Variants in NPTN observed in about 807,000 individuals in gnomAD.
NPTN encodes neuroplastin, also known as SDR-1.
Under a neutral mutation model 42.7 loss-of-function variants are expected in NPTN, and 5 were observed. The ratio of observed to expected loss-of-function variants is 0.12; its 90% CI spans 0.06 to 0.25. The LOEUF is 0.25. Ranked by LOEUF, NPTN falls within the 10% of genes least tolerant of loss-of-function variation. The probability of loss-of-function intolerance (pLI) is 1.00; values close to 1 mark genes in which losing one functional copy is unlikely to be tolerated. For missense variants in NPTN, 307 were observed against 525.4 expected (o/e 0.58, Z 4.06); for synonymous variants, 180 against 201.9 (o/e 0.89, Z 0.92).
rs1006661004 is a variant in NPTN, at chr15:73,569,860, C to T, written c.1114+290G>A. ...AAGAGACTGACAGCTGCCCATTCAC[C>T]ACATGGGGCCTGAAAGGCAGATGGG... On this transcript the variant is annotated intron_variant, in intron 6 of 8. Transcript: ENST00000345330. This position sits in a 1 kb window ranked among gnomAD's most constrained non-coding sequence, Gnocchi z 4.1. The T allele has an allele frequency of 3.1e-6, 3 of 966,010 alleles. No homozygotes were observed. Among genetic ancestry groups the T allele is most frequent in the Non-Finnish European group, 2.5e-6 (2 of 812,302 alleles). 59.8% of individuals were successfully genotyped at this position (966,010 alleles called of 1,614,324 possible).
intron 4 of NPTN, among the ~76,000 whole-genome samples, chr15:73,576,596 T>G (rs990880553): frequency 5.3e-5 from 8 of 152,210 alleles, no homozygotes. Context: ...CCCAAAGTGC[T>G]GGGTTTACAG....
intron 1 of NPTN, among the ~76,000 whole-genome samples, chr15:73,604,729 C>G (rs1221419790): frequency 6.6e-6 from 1 of 152,168 alleles, no homozygotes; most frequent in African/African-American, 2.4e-5. Flanking sequence ...AAGGTCATGG[C>G]AAGATTCACA....
Position 73,570,255 on chromosome 15 carries a change from G to A in NPTN, c.1009C>T (p.Leu337=), listed in dbSNP as rs1419871290. ...VVTVLRVRSH[L]APLWPFLGIL... is the part of the protein sequence containing the mutation. ...CCCAAGAAAGGCCAGAGTGGGGCCA[G>A]GTGGCTCCGCACCCTGAGGACAGTG... Residue 337 remains leucine (L), a synonymous_variant, in exon 6 of 9, where the codon CTG becomes TTG. Transcript: ENST00000345330. The surrounding 1 kb of genome is among the most constrained non-coding windows in gnomAD (Gnocchi z 4.0). 6 of 1,614,100 alleles carry A rather than the reference G, an allele frequency of 3.7e-6. No homozygotes were observed. The highest frequency in any genetic ancestry group is 5.1e-6 in the Non-Finnish European group (6 of 1,180,048).
intron 1 of NPTN, among the ~76,000 whole-genome samples, chr15:73,624,887 G>C (rs2141476348): frequency 6.6e-6 from 1 of 152,276 alleles, no homozygotes; most frequent in East Asian, 1.9e-4. Context: ...GTTATGTCTT[G>C]ATTATATTCA....
At chr15:73,587,655 G>C (rs1459155196) in intron 3 of NPTN, 37 bp from the exon 4 acceptor site, 15 of 1,425,304 alleles carry the variant, frequency 1.1e-5, no homozygotes, top group African/African-American at 1.4e-5. Flanking sequence ...TGAGGAAACT[G>C]GGAACGGTCA....
In NPTN at chr15:73,611,834, G is replaced by C. The variant is rs193289640; in HGVS notation, c.92-14465C>G. Among the ~76,000 whole-genome samples the C allele has an allele frequency of 7.2e-5, 11 of 152,230 alleles. No individual in the cohort carries two copies. In the East Asian group the frequency reaches 1.9e-3, roughly 27 times the overall value. ...TGGTGGGAATGTGATAGTGGGGGCTGTATGTGTGTGGGGACAGGGGGTACA... is the reference window on the plus strand; with the variant it reads ...TGGTGGGAATGTGATAGTGGGGGCTCTATGTGTGTGGGGACAGGGGGTACA... On this transcript the variant is annotated intron_variant, in intron 1 of 8. Transcript: ENST00000345330.
intron 1 of NPTN, among the ~76,000 whole-genome samples, chr15:73,612,110 T>C (rs1437133584): frequency 6.6e-6 from 1 of 152,160 alleles, no homozygotes; most frequent in African/African-American, 2.4e-5. Context: ...ATCTTGTGTT[T>C]CTGATGCAAG....
At chr15:73,625,732 AG>A (rs1165217691) in intron 1 of NPTN, among the ~76,000 whole-genome samples, 20 of 152,344 alleles carry the variant, frequency 1.3e-4, no homozygotes, top group African/African-American at 4.8e-4. Context: ...TTCAGGTCCT[AG>A]AAAATTCTAG....
chr15:73,567,117 T>C (rs1895069051), intron 6 of NPTN: 1 of 982,398 alleles, frequency 1.0e-6, no homozygotes, highest in Non-Finnish European at 1.2e-6. Context: ...CTAAACTATG[T>C]AAGTTCAAAT....
intron 1 of NPTN, among the ~76,000 whole-genome samples, chr15:73,603,796 T>C (rs1566979683): frequency 6.6e-6 from 1 of 152,246 alleles, no homozygotes; most frequent in Non-Finnish European, 1.5e-5. Flanking sequence ...GATGTAGTTA[T>C]GGAATCTGAG....
intron 4 of NPTN, among the ~76,000 whole-genome samples, chr15:73,583,861 G>A (rs528888960): frequency 5.9e-5 from 9 of 152,268 alleles, no homozygotes; most frequent in African/African-American, 1.7e-4. Flanking sequence ...AATGTGGTCT[G>A]GGTATCACTG....
At chr15:73,599,098 A>G (rs1034211190) in intron 1 of NPTN, among the ~76,000 whole-genome samples, 1 of 152,198 alleles carries the variant, frequency 6.6e-6, no homozygotes, top group Non-Finnish European at 1.5e-5. Context: ...CAGATCCAGC[A>G]TGCATTCCTT....
intron 2 of NPTN, among the ~76,000 whole-genome samples, chr15:73,593,369 C>T (rs1238209301): frequency 1.3e-5 from 2 of 152,168 alleles, no homozygotes; most frequent in African/African-American, 4.8e-5. Flanking sequence ...CTACACTAAC[C>T]ATCTTTTCCC....
In NPTN at chr15:73,563,381, C is replaced by CA; in HGVS notation, c.1115-125dup. On this transcript the variant is annotated intron_variant, in intron 6 of 8. Transcript: ENST00000345330. Reference sequence around the variant, plus strand: ...AAGTGGCAATCATGGCTACTCACAGCATTTATTAAAGGCCATTCCATCTGG... The same window carrying CA: ...AAGTGGCAATCATGGCTACTCACAGCAATTTATTAAAGGCCATTCCATCTGG... 4.0e-6 allele frequency: 6 copies of CA among 1,502,160 alleles called. No homozygotes were observed. In the South Asian group the frequency reaches 6.6e-5, roughly 16 times the overall value. 93.1% of individuals were successfully genotyped at this position (1,502,160 alleles called of 1,614,324 possible). A position where few individuals can be genotyped will look rare whatever the true frequency, so the allele number is the denominator to read the frequency against.
intron 1 of NPTN, among the ~76,000 whole-genome samples, chr15:73,605,812 C>A (rs1195257324): frequency 6.6e-6 from 1 of 152,022 alleles, no homozygotes; most frequent in Non-Finnish European, 1.5e-5. Flanking sequence ...TCCTTTTGTA[C>A]GTCTGTCTTC....
Position 73,570,222 on chromosome 15 carries a change from C to T in NPTN, c.1042G>A (p.Ala348Thr). The change falls in exon 6 of 9, where the codon GCT becomes ACT. Residue 348 changes from alanine to threonine, a missense_variant. Ala to Thr is a moderately conservative substitution (Grantham distance 58). Transcript: ENST00000345330. The surrounding 1 kb of genome is among the most constrained non-coding windows in gnomAD (Gnocchi z 4.0). Reference sequence around the variant, plus strand: ...ATCACCACAAGGATGATAATTTCAGCCAGAATTCCCAAGAAAGGCCAGAGT... The same window carrying T: ...ATCACCACAAGGATGATAATTTCAGTCAGAATTCCCAAGAAAGGCCAGAGT... ...APLWPFLGILAEIIILVVIIV... is the reference protein window; with the variant it reads ...APLWPFLGILTEIIILVVIIV... The T allele has an allele frequency of 1.2e-6, 2 of 1,614,162 alleles. No homozygotes were observed. The highest frequency in any genetic ancestry group is 1.7e-6 in the Non-Finnish European group (2 of 1,180,028).
In NPTN at chr15:73,560,817, GA is replaced by G. The variant is rs911859812; in HGVS notation, c.*245del. 39 of 145,280 alleles carry G rather than the reference GA, an allele frequency of 2.7e-4. No individual in the cohort carries two copies. In the South Asian group the frequency reaches 2.9e-3, roughly 11 times the overall value. 9.0% of individuals were successfully genotyped at this position (145,280 alleles called of 1,614,324 possible). On this transcript the variant is annotated 3_prime_UTR_variant, in exon 9 of 9. Coordinates refer to ENST00000345330, the MANE Select transcript of NPTN (RefSeq NM_012428.4). ...CTTCTATTTAAATATTTTAACAAAGGAAAAAAAAAAGCAACATTCACAGCAC... is the reference window on the plus strand; with the variant it reads ...CTTCTATTTAAATATTTTAACAAAGGAAAAAAAAAGCAACATTCACAGCAC...
At chr15:73,594,870 A>C (rs1260495266) in intron 2 of NPTN, among the ~76,000 whole-genome samples, 1 of 151,464 alleles carries the variant, frequency 6.6e-6, no homozygotes, top group African/African-American at 2.4e-5. Flanking sequence ...TAGATAGAAC[A>C]CCTGATGTCC....
chr15:73,562,164 G>A (rs1474636130), intron 7 of NPTN, among the ~76,000 whole-genome samples, 194 bp from the exon 8 acceptor site: 1 of 152,184 alleles, frequency 6.6e-6, no homozygotes, highest in East Asian at 1.9e-4. Flanking sequence ...TGAAATGCTT[G>A]GGATCAGAAA....
Sources: gnomAD v4.1 joint callset for allele counts (sites outside exome capture counted in the v4.1 genomes callset) on GRCh38, gnomAD v4.1.1 for gene constraint, Gnocchi (gnomAD v3.1) non-coding constraint, MANE v1.5 for transcripts, NCBI Gene and HGNC (gene_info 2026-07-23, HGNC 2026-07-21) for gene names.